KCNQ1: variants seen among roughly 807,000 people sequenced by gnomAD.
KCNQ1 encodes the protein potassium voltage-gated channel subfamily Q member 1.
In KCNQ1, 49 loss-of-function variants were observed where a neutral mutation model predicts 72.4. The ratio of observed to expected loss-of-function variants is 0.68; its 90% CI spans 0.54 to 0.86. The LOEUF is 0.86. KCNQ1 is among the 40% of genes least tolerant of loss of function. KCNQ1 has a pLI of 0.00. For missense variants in KCNQ1, 790 were observed against 945.1 expected (o/e 0.84, Z 2.15); for synonymous variants, 450 against 412.6 (o/e 1.09, Z -1.10).
chr11:2,485,418 G>A (rs984381097), intron 1 of KCNQ1, among the ~76,000 whole-genome samples: 1 of 130,610 alleles, frequency 7.7e-6, no homozygotes, highest in African/African-American at 2.9e-5. Context: ...TGTCTCTCTT[G>A]CAGGCCTCTC....
intron 11 of KCNQ1, among the ~76,000 whole-genome samples, chr11:2,708,537 C>T (rs1246768196): frequency 2.0e-5 from 3 of 152,180 alleles, no homozygotes; most frequent in South Asian, 4.1e-4. Flanking sequence ...AGGGACCAAC[C>T]CCAAGAGGGT....
At chr11:2,606,846 C>T (rs184920792) in intron 10 of KCNQ1, among the ~76,000 whole-genome samples, 49 of 149,422 alleles carry the variant, frequency 3.3e-4, no homozygotes, top group East Asian at 5.9e-4. Context: ...CTGATCTTAA[C>T]GGGGAAACAT....
At chr11:2,634,010 G>C (rs770209224) in intron 10 of KCNQ1, 33 of 398,442 alleles carry the variant, frequency 8.3e-5, no homozygotes, top group Admixed American at 2.6e-4. Flanking sequence ...TTTGATGTCA[G>C]GCAGTGTAGT....
At chr11:2,610,878 C>T (rs1191265199) in intron 10 of KCNQ1, 5 of 398,206 alleles carry the variant, frequency 1.3e-5, no homozygotes, top group East Asian at 3.6e-5. Flanking sequence ...CATAGCCTCA[C>T]CTCCCACCAT....
chr11:2,635,843 T>C (rs1849455867), intron 10 of KCNQ1: 1 of 152,228 alleles, frequency 6.6e-6, no homozygotes, highest in African/African-American at 2.4e-5. Flanking sequence ...TTTGTTTGTA[T>C]CCTCTTTTAT....
intron 10 of KCNQ1, chr11:2,632,578 G>A (rs755706716): frequency 2.0e-5 from 8 of 398,146 alleles, no homozygotes; most frequent in Admixed American, 1.3e-4. Flanking sequence ...TATACACAGT[G>A]ATATTGTGAT....
At position 2,445,386 on chromosome 11, in the gene KCNQ1, G is replaced by T. The variant is rs780353733; in HGVS notation, c.288G>T (p.Thr96=). Residue 96 remains threonine, a synonymous_variant, in exon 1 of 16, where the codon ACG becomes ACT. Transcript: ENST00000155840. The part of the protein sequence containing the change: ...SLDPRVSIYS[T]RRPVLARTHV... Reference sequence around the variant, plus strand: ...ACCCGCGCGTCTCCATCTACAGCACGCGCCGCCCGGTGTTGGCGCGCACCC... The same window carrying T: ...ACCCGCGCGTCTCCATCTACAGCACTCGCCGCCCGGTGTTGGCGCGCACCC... 4 of 1,597,736 alleles carry T rather than the reference G, an allele frequency of 2.5e-6. No homozygotes were observed. In the East Asian group the frequency reaches 8.9e-5, roughly 36 times the overall value.
At chr11:2,552,196 T>C (rs1229447518) in intron 2 of KCNQ1, among the ~76,000 whole-genome samples, 1 of 152,256 alleles carries the variant, frequency 6.6e-6, no homozygotes, top group Non-Finnish European at 1.5e-5. Flanking sequence ...TACAAAGTTT[T>C]TTCTCCTGTT....
rs1349374185 is a variant in KCNQ1 at position 2,450,682 on chromosome 11, C to T, written c.386+5198C>T. Among the ~76,000 whole-genome samples, 1 of 152,120 alleles carries T rather than the reference C, an allele frequency of 6.6e-6. No homozygotes were observed. Among genetic ancestry groups the T allele is most frequent in the African/African-American group, 2.4e-5 (1 of 41,414 alleles). On this transcript the variant is annotated intron_variant, in intron 1 of 15. Coordinates refer to ENST00000155840, the MANE Select transcript of KCNQ1 (RefSeq NM_000218.3). This position sits in a 1 kb window ranked among gnomAD's most constrained non-coding sequence, Gnocchi z 7.9. ...GTGGGTAGCTGTCTCTCTCCAGCAGCTCCTCCAACCACCATGAGAAACCCC... is the reference window on the plus strand; with the variant it reads ...GTGGGTAGCTGTCTCTCTCCAGCAGTTCCTCCAACCACCATGAGAAACCCC...
chr11:2,833,331 C>T (rs1385057708), intron 15 of KCNQ1, among the ~76,000 whole-genome samples: 2 of 152,108 alleles, frequency 1.3e-5, no homozygotes, highest in African/African-American at 2.4e-5. Context: ...GCCCTGGAGC[C>T]GAGTCCTCCC....
Position 2,642,909 on chromosome 11 carries a change from C to T in KCNQ1, c.1394-19052C>T. The T allele has an allele frequency of 2.5e-6, 1 of 397,846 alleles. No homozygotes were observed. The highest frequency in any genetic ancestry group is 4.4e-6 in the Non-Finnish European group (1 of 225,668). The allele number at this position is 397,846 out of a possible 1,614,324, so 24.6% of individuals were successfully genotyped here. A position where few individuals can be genotyped will look rare whatever the true frequency, so the allele number is the denominator to read the frequency against. On this transcript the variant is annotated intron_variant, in intron 10 of 15. Coordinates refer to ENST00000155840, the MANE Select transcript of KCNQ1 (RefSeq NM_000218.3). The surrounding 1 kb of genome is among the most constrained non-coding windows in gnomAD (Gnocchi z 4.3). ...AAATTTTTTATTTCTGCCTTAATTT[C>T]TTCTTTGACCCATTGGTCATTCAGG...
intron 10 of KCNQ1, chr11:2,625,450 T>A (rs1849247144): frequency 2.5e-6 from 1 of 398,556 alleles, no homozygotes; most frequent in South Asian, 1.3e-4. Context: ...ATAGTAGTCA[T>A]CTGAGTGTAT....
Position 2,547,606 on chromosome 11 carries a change from A to C in KCNQ1, c.477+19588A>C, listed in dbSNP as rs763299341. Among the ~76,000 whole-genome samples, 18 of 152,178 alleles carry C rather than the reference A, an allele frequency of 1.2e-4. No homozygotes were observed. Among genetic ancestry groups the C allele is most frequent in the Non-Finnish European group, 2.5e-4 (17 of 68,044 alleles). On this transcript the variant is annotated intron_variant, in intron 2 of 15. Coordinates refer to ENST00000155840, the MANE Select transcript of KCNQ1 (RefSeq NM_000218.3). The surrounding 1 kb of genome is among the most constrained non-coding windows in gnomAD (Gnocchi z 4.2). ...TTCCTTGGTCCCTGGTTTCTCATTT[A>C]ACCCTTTACTGTCTGGCTTACCGTT...
intron 15 of KCNQ1, among the ~76,000 whole-genome samples, chr11:2,806,243 C>T (rs2134032644): frequency 6.6e-6 from 1 of 152,278 alleles, no homozygotes; most frequent in Non-Finnish European, 1.5e-5. Context: ...GTAAGTGGTT[C>T]TTACCTCCAT....
intron 15 of KCNQ1, among the ~76,000 whole-genome samples, chr11:2,823,453 T>G (rs529916003): frequency 1.3e-3 from 202 of 152,310 alleles, no homozygotes; most frequent in African/African-American, 4.6e-3. Context: ...TTCTGGAGAA[T>G]GCACTCCAGC....
intron 11 of KCNQ1, among the ~76,000 whole-genome samples, chr11:2,754,612 G>C (rs754846338): frequency 1.9e-4 from 29 of 152,212 alleles, no homozygotes; most frequent in Non-Finnish European, 3.5e-4. Context: ...GACCAAGGAG[G>C]TGTTGCAGGT....
At chr11:2,520,393 C>G (rs1410359398) in intron 1 of KCNQ1, among the ~76,000 whole-genome samples, 1 of 152,182 alleles carries the variant, frequency 6.6e-6, no homozygotes, top group Non-Finnish European at 1.5e-5. Context: ...TGGGAGGGGT[C>G]GGGAGATGCC....
In KCNQ1 at chr11:2,617,441, A is replaced by T; in HGVS notation, c.1393+28587A>T. On this transcript the variant is annotated intron_variant, in intron 10 of 15. Transcript: ENST00000155840. The surrounding 1 kb of genome is among the most constrained non-coding windows in gnomAD (Gnocchi z 4.6). ...TGCGGAATAATATTCCATTGTAGACATACACACCACAGTTTAGTCATCCAT... is the reference window on the plus strand; with the variant it reads ...TGCGGAATAATATTCCATTGTAGACTTACACACCACAGTTTAGTCATCCAT... 2.5e-6 allele frequency: 1 copy of T among 398,454 alleles called. No homozygotes were observed. Among genetic ancestry groups the T allele is most frequent in the Non-Finnish European group, 4.4e-6 (1 of 225,940 alleles). The allele number at this position is 398,454 out of a possible 1,614,324, so 24.7% of individuals were successfully genotyped here. A position where few individuals can be genotyped will look rare whatever the true frequency, so the allele number is the denominator to read the frequency against.
intron 9 of KCNQ1, 117 bp downstream of exon 9, chr11:2,587,809 C>A: frequency 7.0e-7 from 1 of 1,420,912 alleles, no homozygotes; most frequent in South Asian, 1.2e-5. Context: ...CAGCCTGTGT[C>A]AGGGAGTCAG....
Sources: allele counts gnomAD v4.1 joint callset (sites outside exome capture counted in the v4.1 genomes callset), GRCh38; gene constraint gnomAD v4.1.1; non-coding constraint Gnocchi (gnomAD v3.1); transcripts MANE v1.5; gene names NCBI Gene and HGNC (gene_info 2026-07-23, HGNC 2026-07-21).